Variants in INSIG2 observed in about 807,000 individuals in gnomAD.
The protein encoded by INSIG2 is insulin-induced gene 2 protein.
In INSIG2, 10 loss-of-function variants were observed where a neutral mutation model predicts 27.2. The observed-to-expected ratio is 0.37, with a 90% CI of 0.23 to 0.62. The LOEUF (loss-of-function observed/expected upper bound fraction) is 0.62. Ranked by LOEUF, INSIG2 falls within the 20% of genes least tolerant of loss-of-function variation. INSIG2 has a pLI of 0.65. For synonymous variants in INSIG2, 97 were observed against 95.8 expected, an observed-to-expected ratio of 1.01 and a Z score of -0.07; for missense variants, 178 against 270.2, an observed-to-expected ratio of 0.66 and a Z score of 2.39.
Position 118,109,057 on chromosome 2 carries a change from T to C in INSIG2, c.*735T>C, listed in dbSNP as rs191007986. 5.5e-4 allele frequency: 84 copies of C among 152,324 alleles called. No individual in the cohort carries two copies. The highest frequency in any genetic ancestry group is 2.0e-3 in the African/African-American group (84 of 41,576). The allele number at this position is 152,324 out of a possible 1,614,324, so 9.4% of individuals were successfully genotyped here. A position where few individuals can be genotyped will look rare whatever the true frequency, so the allele number is the denominator to read the frequency against. On this transcript the variant is annotated 3_prime_UTR_variant, in exon 6 of 6. Coordinates refer to ENST00000245787, the MANE Select transcript of INSIG2 (RefSeq NM_016133.4). ...TTGGTTCTAAATTTGGAACAGTATA[T>C]ATAATTAAAAGTAAGGAACATTAGA...
chr2:118,091,246 A>T (rs1025337185), intron 1 of INSIG2, among the ~76,000 whole-genome samples: 8 of 152,230 alleles, frequency 5.3e-5, no homozygotes, highest in African/African-American at 1.9e-4. Flanking sequence ...TATTATAAAC[A>T]TGCTTTTAAA....
chr2:118,104,742 C>T (rs1678631695), intron 3 of INSIG2, among the ~76,000 whole-genome samples: 1 of 152,150 alleles, frequency 6.6e-6, no homozygotes, highest in Non-Finnish European at 1.5e-5. Context: ...CATTTTCCTA[C>T]CCAGGAACCT....
chr2:118,102,171 A>G (rs1197249578), intron 2 of INSIG2, among the ~76,000 whole-genome samples: 2 of 152,244 alleles, frequency 1.3e-5, no homozygotes, highest in Non-Finnish European at 2.9e-5. Flanking sequence ...CTGATGTGAC[A>G]GTAGTGTCTT....
chr2:118,106,740 G>C lies in INSIG2; in HGVS notation c.373G>C (p.Val125Leu), dbSNP rs765017477. Reference sequence around the variant, plus strand: ...GACTTCTTAACACTGATCTCAGAAAGTGGATTTCGATAACAACATACAGTT... The same window carrying C: ...GACTTCTTAACACTGATCTCAGAAACTGGATTTCGATAACAACATACAGTT... The part of the protein sequence containing the change: ...FVGINHASAK[V>L]DFDNNIQLSL... Residue 125 changes from valine (V) to leucine (L), a missense_variant, in exon 4 of 6, where the codon GTG (valine) becomes CTG (leucine). Physicochemically the swap from Val to Leu is conservative, Grantham distance 32. Coordinates refer to ENST00000245787, the MANE Select transcript of INSIG2 (RefSeq NM_016133.4). 1.9e-6 allele frequency: 3 copies of C among 1,612,880 alleles called. No individual in the cohort carries two copies. The highest frequency in any genetic ancestry group is 2.5e-6 in the Non-Finnish European group (3 of 1,179,326).
rs927460581 is a variant in INSIG2 at position 118,109,967 on chromosome 2, T to C, written c.*1645T>C. 3 of 152,652 alleles carry C rather than the reference T, an allele frequency of 2.0e-5. No individual in the cohort carries two copies. Among genetic ancestry groups the C allele is most frequent in the African/African-American group, 7.2e-5 (3 of 41,458 alleles). The allele number at this position is 152,652 out of a possible 1,614,324, so 9.5% of individuals were successfully genotyped here. A position where few individuals can be genotyped will look rare whatever the true frequency, so the allele number is the denominator to read the frequency against. On this transcript the variant is annotated 3_prime_UTR_variant, in exon 6 of 6. Transcript: ENST00000245787. ...TTAATAAGTTATAAGGTCTATGATG[T>C]GTTTACTTTAAAAATTGCTGTTAAA...
At chr2:118,091,378 C>T (rs1416897497) in intron 1 of INSIG2, among the ~76,000 whole-genome samples, 6 of 152,172 alleles carry the variant, frequency 3.9e-5, no homozygotes, top group Non-Finnish European at 8.8e-5. Flanking sequence ...ACTGATGGTA[C>T]TGTCTTAATC....
intron 2 of INSIG2, among the ~76,000 whole-genome samples, chr2:118,100,798 C>T (rs544916089): frequency 6.6e-6 from 1 of 152,244 alleles, no homozygotes; most frequent in Admixed American, 6.5e-5. Context: ...GGAGTGTTTT[C>T]GTTTATTCAG....
Position 118,109,590 on chromosome 2 carries a change from G to A in INSIG2, c.*1268G>A, listed in dbSNP as rs1316064825. Reference sequence around the variant, plus strand: ...AAGGGCAAGATCTTCTGAGTACTCTGGGGTGTGAGTATGTGTGCACACGTG... The same window carrying A: ...AAGGGCAAGATCTTCTGAGTACTCTAGGGTGTGAGTATGTGTGCACACGTG... On this transcript the variant is annotated 3_prime_UTR_variant, in exon 6 of 6. Coordinates refer to ENST00000245787, the MANE Select transcript of INSIG2 (RefSeq NM_016133.4). The A allele has an allele frequency of 6.6e-6, 1 of 152,510 alleles. No individual in the cohort carries two copies. The highest frequency in any genetic ancestry group is 1.5e-5 in the Non-Finnish European group (1 of 68,018). The allele number at this position is 152,510 out of a possible 1,614,324, so 9.4% of individuals were successfully genotyped here.
At chr2:118,092,943 T>C (rs891777326) in intron 1 of INSIG2, among the ~76,000 whole-genome samples, 2 of 138,726 alleles carry the variant, frequency 1.4e-5, no homozygotes, top group African/African-American at 5.5e-5. Context: ...ATTATGATGA[T>C]GATGAGGAGG....
At chr2:118,107,463 A>G (rs775746604) in intron 5 of INSIG2, among the ~76,000 whole-genome samples, 1 of 152,216 alleles carries the variant, frequency 6.6e-6, no homozygotes, top group Non-Finnish European at 1.5e-5. Context: ...AAACTAATCT[A>G]CAGGTCTCCC....
At chr2:118,106,714 T>A (rs564819128) in intron 3 of INSIG2, 23 bp from the exon 4 acceptor site, 1 of 1,592,800 alleles carries the variant, frequency 6.3e-7, no homozygotes, top group African/African-American at 1.3e-5. Flanking sequence ...ACTTTTAAGA[T>A]GACTTCTTAA....
rs766452689 is a variant in INSIG2, at chr2:118,096,502, G to A, written c.-55G>A. The A allele has an allele frequency of 2.6e-6, 4 of 1,544,900 alleles. No individual in the cohort carries two copies. Among genetic ancestry groups the A allele is most frequent in the Non-Finnish European group, 3.5e-6 (4 of 1,152,792 alleles). On this transcript the variant is annotated 5_prime_UTR_variant, in exon 2 of 6. Transcript: ENST00000245787. ...GATTCACAGACAGTTGAGCTTTTCA[G>A]CTGGGAAGCCTTTCCATTTTTTTTT...
intron 1 of INSIG2, among the ~76,000 whole-genome samples, chr2:118,092,440 C>T (rs962690798): frequency 6.6e-6 from 1 of 152,114 alleles, no homozygotes; most frequent in African/African-American, 2.4e-5. Context: ...CTTGTTTTGG[C>T]TTACTATCTG....
intron 5 of INSIG2, 70 bp from the exon 6 acceptor site, chr2:118,108,211 A>G: frequency 1.0e-6 from 1 of 991,402 alleles, no homozygotes; most frequent in Non-Finnish European, 1.5e-6. Context: ...AGAGCTTTTC[A>G]GTTTATTTGG....
chr2:118,103,352 T>A, intron 3 of INSIG2, 31 bp downstream of exon 3: 1 of 1,574,568 alleles, frequency 6.4e-7, no homozygotes, highest in Non-Finnish European at 8.7e-7. Context: ...AAATGCATAA[T>A]AACAAAGTGG....
chr2:118,091,748 T>C (rs1267391126), intron 1 of INSIG2, among the ~76,000 whole-genome samples: 3 of 152,208 alleles, frequency 2.0e-5, no homozygotes, highest in Non-Finnish European at 4.4e-5. Context: ...AGGAAAACTT[T>C]TGGGGCGAAG....
chr2:118,101,508 A>T (rs933804550), intron 2 of INSIG2, among the ~76,000 whole-genome samples: 1 of 152,174 alleles, frequency 6.6e-6, no homozygotes, highest in Admixed American at 6.5e-5. Context: ...TGCTCAGGAA[A>T]ATTGACTTGG....
At chr2:118,093,936 GATGAT>G (rs1478198515) in intron 1 of INSIG2, among the ~76,000 whole-genome samples, 12 of 33,364 alleles carry the variant, frequency 3.6e-4, no homozygotes, top group Non-Finnish European at 4.3e-4. Flanking sequence ...TGATGATGAT[GATGAT>G]GAGGAGGAGG....
chr2:118,090,760 C>T (rs1196109519), intron 1 of INSIG2, among the ~76,000 whole-genome samples: 1 of 152,060 alleles, frequency 6.6e-6, no homozygotes, highest in Non-Finnish European at 1.5e-5. Flanking sequence ...TGTTTTGTAC[C>T]ATGTTTGTGA....
Sources: gnomAD v4.1 joint callset for allele counts (sites outside exome capture counted in the v4.1 genomes callset) on GRCh38, gnomAD v4.1.1 for gene constraint, MANE v1.5 for transcripts, NCBI Gene and HGNC (gene_info 2026-07-23, HGNC 2026-07-21) for gene names.